The following RABEP1 variants were observed in gnomAD, a reference collection of about 807,000 sequenced individuals.
RABEP1 encodes the protein rabaptin, RAB GTPase binding effector protein 1.
Under a neutral mutation model 123.4 loss-of-function variants are expected in RABEP1, and 51 were observed. The ratio of observed to expected loss-of-function variants is 0.41; its 90% CI spans 0.33 to 0.52. The LOEUF (loss-of-function observed/expected upper bound fraction) is 0.52. RABEP1 is among the 20% of genes least tolerant of loss of function. RABEP1 has a pLI of 0.16. For synonymous variants in RABEP1, 347 were observed against 355.2 expected, an observed-to-expected ratio of 0.98 and a Z score of 0.26; for missense variants, 888 against 996.3, an observed-to-expected ratio of 0.89 and a Z score of 1.46.
chr17:5,338,562 C>G (rs1907304297), intron 5 of RABEP1, among the ~76,000 whole-genome samples: 2 of 152,188 alleles, frequency 1.3e-5, no homozygotes, highest in South Asian at 4.1e-4. Context: ...GAGCGAAATT[C>G]TGTCTCAATA....
intron 1 of RABEP1, among the ~76,000 whole-genome samples, chr17:5,291,398 C>T (rs745790457): frequency 2.6e-5 from 4 of 151,974 alleles, no homozygotes; most frequent in Admixed American, 6.6e-5. Context: ...GGCGACAGTG[C>T]GAGACTCCGT....
At chr17:5,343,350 TCAAGAC>T (rs1239253393) in intron 5 of RABEP1, among the ~76,000 whole-genome samples, 2 of 152,000 alleles carry the variant, frequency 1.3e-5, no homozygotes, top group Non-Finnish European at 2.9e-5. Flanking sequence ...GCTTAGGAGT[TCAAGAC>T]CAGCCAGCAC....
intron 2 of RABEP1, among the ~76,000 whole-genome samples, chr17:5,311,078 G>T (rs1000245196): frequency 1.3e-5 from 2 of 152,050 alleles, no homozygotes; most frequent in African/African-American, 4.8e-5. Flanking sequence ...CCAGAGTGCT[G>T]GGATTACAGG....
At chr17:5,320,760 C>T (rs931812795) in intron 2 of RABEP1, among the ~76,000 whole-genome samples, 11 of 151,916 alleles carry the variant, frequency 7.2e-5, no homozygotes, top group African/African-American at 2.7e-4. Flanking sequence ...AAACACAAAA[C>T]AAAAACCTAT....
chr17:5,285,694 A>G (rs748648860), intron 1 of RABEP1, among the ~76,000 whole-genome samples: 1 of 152,084 alleles, frequency 6.6e-6, no homozygotes, highest in African/African-American at 2.4e-5. Context: ...TACTGCTTCT[A>G]TTTTCTTGAT....
Position 5,282,351 on chromosome 17 carries a change from G to A in RABEP1, c.-136G>A, listed in dbSNP as rs1020588858. 3.0e-6 allele frequency: 2 copies of A among 660,352 alleles called. No homozygotes were observed. The highest frequency in any genetic ancestry group is 1.9e-5 in the African/African-American group (1 of 52,806). 40.9% of individuals were successfully genotyped at this position (660,352 alleles called of 1,614,324 possible). A position where few individuals can be genotyped will look rare whatever the true frequency, so the allele number is the denominator to read the frequency against. On this transcript the variant is annotated 5_prime_UTR_variant, in exon 1 of 18. Coordinates refer to ENST00000537505, the MANE Select transcript of RABEP1 (RefSeq NM_004703.6). Reference sequence around the variant, plus strand: ...GCCCGCGGCTGTGGCGGCGCCGGCGGATCCAGCCTTAGCGGTTTCTCTCTG... The same window carrying A: ...GCCCGCGGCTGTGGCGGCGCCGGCGAATCCAGCCTTAGCGGTTTCTCTCTG...
At chr17:5,360,940 A>G (rs190971252) in intron 8 of RABEP1, 2 of 438,714 alleles carry the variant, frequency 4.6e-6, no homozygotes, top group East Asian at 4.4e-5. Context: ...TCACAGTATT[A>G]TAACAGTCTG....
At chr17:5,335,473 C>A in intron 4 of RABEP1, 129 bp downstream of exon 4, 1 of 793,130 alleles carries the variant, frequency 1.3e-6, no homozygotes, top group Non-Finnish European at 2.0e-6. Flanking sequence ...TGGACACAGA[C>A]CTAAACATAG....
intron 9 of RABEP1, 32 bp downstream of exon 9, chr17:5,361,707 C>G: frequency 6.5e-7 from 1 of 1,534,132 alleles, no homozygotes; most frequent in Non-Finnish European, 8.9e-7. Context: ...TTTCCTCTTG[C>G]TCACGCTGAG....
chr17:5,302,159 T>C (rs925206551), intron 1 of RABEP1, among the ~76,000 whole-genome samples: 1 of 151,882 alleles, frequency 6.6e-6, no homozygotes, highest in African/African-American at 2.4e-5. Context: ...GTGTGAAATT[T>C]CAGATACTAG....
chr17:5,310,629 T>A (rs1447878602), intron 2 of RABEP1, among the ~76,000 whole-genome samples: 1 of 151,846 alleles, frequency 6.6e-6, no homozygotes, highest in Non-Finnish European at 1.5e-5. Flanking sequence ...TTTAAACATA[T>A]CCAGTGGAAT....
intron 5 of RABEP1, among the ~76,000 whole-genome samples, chr17:5,340,132 A>G (rs1428335940): frequency 1.3e-5 from 2 of 152,222 alleles, no homozygotes; most frequent in Non-Finnish European, 2.9e-5. Context: ...AGAGCTATAG[A>G]CATTTTGAAC....
intron 15 of RABEP1, among the ~76,000 whole-genome samples, chr17:5,380,135 G>C (rs1911329768): frequency 6.6e-6 from 1 of 152,160 alleles, no homozygotes; most frequent in African/African-American, 2.4e-5. Flanking sequence ...TGTTTACCCT[G>C]ATTTCTCCAT....
intron 2 of RABEP1, among the ~76,000 whole-genome samples, chr17:5,326,204 A>G (rs972199027): frequency 1.3e-5 from 2 of 152,226 alleles, no homozygotes; most frequent in Non-Finnish European, 2.9e-5. Context: ...TATTTATAAC[A>G]GCTTTATTCA....
In RABEP1 at chr17:5,308,790, C is replaced by T; in HGVS notation, c.131C>T (p.Ala44Val). 1.2e-6 allele frequency: 2 copies of T among 1,610,060 alleles called. No individual in the cohort carries two copies. Among genetic ancestry groups the T allele is most frequent in the Non-Finnish European group, 1.7e-6 (2 of 1,177,502 alleles). Residue 44 changes from alanine to valine, a missense_variant, in exon 2 of 18, where the codon GCA becomes GTA. Transcript: ENST00000537505. ...GAACAAGAATTTAATCAAAAGAGAG[C>T]AAAATTTAAGGAGTTATATTTGGCT... ...QLEQEFNQKR[A>V]KFKELYLAKE...
chr17:5,328,012 T>C (rs1906146325), intron 2 of RABEP1, among the ~76,000 whole-genome samples: 1 of 152,216 alleles, frequency 6.6e-6, no homozygotes, highest in Non-Finnish European at 1.5e-5. Flanking sequence ...ATATGATATA[T>C]TGAGACTGTG....
At chr17:5,350,321 A>T in intron 6 of RABEP1, 130 bp from the exon 7 acceptor site, 1 of 928,576 alleles carries the variant, frequency 1.1e-6, no homozygotes, top group South Asian at 1.8e-5. Context: ...CAGAGCTTGC[A>T]GTGAGCCAAG....
intron 11 of RABEP1, among the ~76,000 whole-genome samples, chr17:5,367,904 G>T (rs143972096): frequency 6.6e-6 from 1 of 150,716 alleles, no homozygotes; most frequent in East Asian, 2.0e-4. Context: ...ACAGGTGCCC[G>T]CCACCACACC....
rs992684616 is a variant in RABEP1, at chr17:5,331,042, TTTTTTTTTTTTTTA to T, written c.164-906_164-893del. ...TATCTCTTAACTTTTTTTTTTTTTT[TTTTTTTTTTTTTTA>T]AAGAAACACAGCGGCTGACTGGGAA... On this transcript the variant is annotated intron_variant, in intron 2 of 17. Coordinates refer to ENST00000537505, the MANE Select transcript of RABEP1 (RefSeq NM_004703.6). 3.5e-4 allele frequency among the ~76,000 whole-genome samples: 42 copies of T among 120,354 alleles called. 1 individual carries two copies. Among genetic ancestry groups the T allele is most frequent in the African/African-American group, 1.3e-3 (35 of 27,694 alleles). 79.0% of individuals were successfully genotyped at this position (120,354 alleles called of 152,430 possible). A position where few individuals can be genotyped will look rare whatever the true frequency, so the allele number is the denominator to read the frequency against.
Sources: gnomAD v4.1 joint callset for allele counts (sites outside exome capture counted in the v4.1 genomes callset) on GRCh38, gnomAD v4.1.1 for gene constraint, MANE v1.5 for transcripts, NCBI Gene and HGNC (gene_info 2026-07-23, HGNC 2026-07-21) for gene names.